The following LHFPL3 variants were observed in gnomAD, a reference collection of about 807,000 sequenced individuals.
LHFPL3 encodes the protein LHFPL tetraspan subfamily member 3 protein.
A neutral mutation model predicts 19.3 loss-of-function variants in LHFPL3; 5 were observed. That is an observed-to-expected ratio of 0.26 (90% CI 0.14 to 0.54). The LOEUF is 0.54. Among genes scored for constraint, LHFPL3 ranks in the 20% least tolerant of loss-of-function variants. LHFPL3 has a pLI of 0.94. For synonymous variants in LHFPL3, 133 were observed against 126.2 expected, an observed-to-expected ratio of 1.05 and a Z score of -0.36; for missense variants, 249 against 307.4, an observed-to-expected ratio of 0.81 and a Z score of 1.42.
intron 1 of LHFPL3, among the ~76,000 whole-genome samples, chr7:104,645,145 A>T (rs1791908792): frequency 6.6e-6 from 1 of 152,108 alleles, no homozygotes; most frequent in Non-Finnish European, 1.5e-5. Context: ...TGCTTATTTC[A>T]CATATGCATA....
intron 1 of LHFPL3, among the ~76,000 whole-genome samples, chr7:104,729,133 C>A (rs1250646646): frequency 2.0e-5 from 3 of 152,110 alleles, no homozygotes; most frequent in African/African-American, 7.2e-5. Flanking sequence ...CACTATTTTG[C>A]AGTGTTTTTC....
chr7:104,858,941 T>C (rs541626000), intron 2 of LHFPL3, among the ~76,000 whole-genome samples: 2 of 136,762 alleles, frequency 1.5e-5, no homozygotes, highest in African/African-American at 5.6e-5. Context: ...TCTCACCTTT[T>C]CACTCCTAAA....
intron 1 of LHFPL3, among the ~76,000 whole-genome samples, chr7:104,345,017 T>C (rs1304198218): frequency 6.6e-6 from 1 of 152,222 alleles, no homozygotes; most frequent in Non-Finnish European, 1.5e-5. Context: ...TAGAGTTATC[T>C]CATAAAACTG....
chr7:104,600,639 A>G (rs1790944847), intron 1 of LHFPL3, among the ~76,000 whole-genome samples: 1 of 152,306 alleles, frequency 6.6e-6, no homozygotes, highest in Non-Finnish European at 1.5e-5. Context: ...TTTGCTGGCA[A>G]AAATTTAGAG....
At chr7:104,396,165 A>G (rs1006745930) in intron 1 of LHFPL3, among the ~76,000 whole-genome samples, 5 of 152,218 alleles carry the variant, frequency 3.3e-5, no homozygotes, top group African/African-American at 9.7e-5. Context: ...AGCCACACTA[A>G]GAGGGACCAA....
chr7:104,365,609 G>A (rs1789301898), intron 1 of LHFPL3, among the ~76,000 whole-genome samples: 1 of 148,606 alleles, frequency 6.7e-6, no homozygotes. Context: ...GTGAAACCCC[G>A]TCTCTACTAA....
At chr7:104,346,421 A>C (rs13234807) in intron 1 of LHFPL3, among the ~76,000 whole-genome samples, 1 of 151,462 alleles carries the variant, frequency 6.6e-6, no homozygotes, top group Non-Finnish European at 1.5e-5. Flanking sequence ...CCTTTGCTTA[A>C]CTGTGTGGCC....
At chr7:104,622,829 G>T (rs1182232472) in intron 1 of LHFPL3, among the ~76,000 whole-genome samples, 1 of 152,212 alleles carries the variant, frequency 6.6e-6, no homozygotes, top group Non-Finnish European at 1.5e-5. Flanking sequence ...ATACCTAGGA[G>T]TGGGATTGCT....
At position 104,421,755 on chromosome 7, in the gene LHFPL3, T is replaced by G. The variant is rs572269195; in HGVS notation, c.445+92531T>G. ...AATAGATCTGGAAATTGTTCAGAAA[T>G]TGTAAAGAAAAGATAGCTGATATGG... On this transcript the variant is annotated intron_variant, in intron 1 of 2. Transcript: ENST00000424859. Among the ~76,000 whole-genome samples the G allele has an allele frequency of 1.2e-3, 188 of 152,192 alleles. 1 individual carries two copies. The highest frequency in any genetic ancestry group is 1.9e-3 in the Non-Finnish European group (128 of 67,994).
chr7:104,817,078 C>A (rs1370553883), intron 2 of LHFPL3, among the ~76,000 whole-genome samples: 1 of 152,168 alleles, frequency 6.6e-6, no homozygotes, highest in Non-Finnish European at 1.5e-5. Context: ...CCTGGCCTTC[C>A]TAGCCCACAA....
intron 1 of LHFPL3, among the ~76,000 whole-genome samples, chr7:104,556,779 C>G (rs1789844250): frequency 6.6e-6 from 1 of 152,212 alleles, no homozygotes; most frequent in South Asian, 2.1e-4. Context: ...ATTTTTCAAA[C>G]TTTTATGCTC....
chr7:104,472,082 T>A (rs1313092846), intron 1 of LHFPL3, among the ~76,000 whole-genome samples: 1 of 150,948 alleles, frequency 6.6e-6, no homozygotes, highest in Non-Finnish European at 1.5e-5. Flanking sequence ...GAGGCTGAGG[T>A]AGGAGGATCA....
intron 1 of LHFPL3, among the ~76,000 whole-genome samples, chr7:104,554,640 C>CAGAT (rs55796324): frequency 0.019 from 2,678 of 143,944 alleles, 27 homozygotes; most frequent in East Asian, 0.032. Context: ...ATTAGATAGA[C>CAGAT]AGATAGATAG....
intron 1 of LHFPL3, among the ~76,000 whole-genome samples, chr7:104,584,907 A>C (rs932966281): frequency 1.3e-5 from 2 of 152,174 alleles, no homozygotes; most frequent in Non-Finnish European, 1.5e-5. Flanking sequence ...AATCCACTGA[A>C]ATCCAGGATA....
intron 1 of LHFPL3, among the ~76,000 whole-genome samples, chr7:104,534,709 T>A (rs994262880): frequency 1.3e-5 from 2 of 152,236 alleles, no homozygotes; most frequent in African/African-American, 4.8e-5. Flanking sequence ...ACTTGGTATT[T>A]ACACCTTTAA....
chr7:104,425,984 G>C (rs2116544756), intron 1 of LHFPL3, among the ~76,000 whole-genome samples: 1 of 152,244 alleles, frequency 6.6e-6, no homozygotes, highest in South Asian at 2.1e-4. Flanking sequence ...TGTGTCATTT[G>C]AACTGTTGCA....
intron 1 of LHFPL3, among the ~76,000 whole-genome samples, chr7:104,603,303 C>T (rs9640680): frequency 1.3e-5 from 2 of 151,640 alleles, no homozygotes; most frequent in Non-Finnish European, 2.9e-5. Context: ...CCAAGCAGTC[C>T]TCCCACCTGA....
chr7:104,367,301 G>T (rs1266893811), intron 1 of LHFPL3, among the ~76,000 whole-genome samples: 1 of 152,176 alleles, frequency 6.6e-6, no homozygotes, highest in Non-Finnish European at 1.5e-5. Context: ...GTTGAGTTCT[G>T]AGTTCCTTTG....
intron 2 of LHFPL3, among the ~76,000 whole-genome samples, chr7:104,854,383 T>C (rs1791462882): frequency 6.6e-6 from 1 of 152,346 alleles, no homozygotes; most frequent in Middle Eastern, 3.4e-3. Context: ...CCTTTCTGGA[T>C]GTGAATTTCC....
Sources: allele counts gnomAD v4.1 joint callset (sites outside exome capture counted in the v4.1 genomes callset), GRCh38; gene constraint gnomAD v4.1.1; transcripts MANE v1.5; gene names NCBI Gene and HGNC (gene_info 2026-07-23, HGNC 2026-07-21).